The following SENP8 variants were observed in gnomAD, a reference collection of about 807,000 sequenced individuals.
SENP8 encodes the protein sentrin-specific protease 8.
Under a neutral mutation model 14.4 loss-of-function variants are expected in SENP8, and 10 were observed. That is an observed-to-expected ratio of 0.69 (90% CI 0.43 to 1.18). The LOEUF is 1.18. Among genes scored for constraint, SENP8 ranks in the 50% most tolerant of loss-of-function variants. The pLI, the probability that SENP8 is intolerant of heterozygous loss-of-function variation, is 0.00. For synonymous variants in SENP8, 94 were observed against 95.5 expected (o/e 0.98, Z 0.09); for missense variants, 202 against 249.4 (o/e 0.81, Z 1.28).
At position 72,140,326 on chromosome 15, in the gene SENP8, G is replaced by A. The variant is rs780098775; in HGVS notation, c.*64G>A. Reference sequence around the variant, plus strand: ...TCTGCCCTTCCCCATTTGTTGGATGGCTGCAATCTCAGTGCCTGAGGGAAG... The same window carrying A: ...TCTGCCCTTCCCCATTTGTTGGATGACTGCAATCTCAGTGCCTGAGGGAAG... On this transcript the variant is annotated 3_prime_UTR_variant, in exon 2 of 2. Coordinates refer to ENST00000340912, the MANE Select transcript of SENP8 (RefSeq NM_145204.4). 3.3e-6 allele frequency: 4 copies of A among 1,203,308 alleles called. No homozygotes were observed. Among genetic ancestry groups the A allele is most frequent in the Non-Finnish European group, 4.8e-6 (4 of 826,534 alleles). The allele number at this position is 1,203,308 out of a possible 1,614,324, so 74.5% of individuals were successfully genotyped here.
At chr15:72,118,331 T>G (rs2081085583), upstream of SENP8, 1 of 205,046 alleles carries the variant, frequency 4.9e-6, no homozygotes, top group Non-Finnish European at 9.7e-6. Flanking sequence ...GAACTCAGCT[T>G]TAGATTCTCC....
rs1277324323 is a variant in SENP8 at position 72,141,323 on chromosome 15, A to G, written c.*1061A>G. 1 of 152,242 alleles carries G rather than the reference A, an allele frequency of 6.6e-6. No individual in the cohort carries two copies. The highest frequency in any genetic ancestry group is 2.4e-5 in the African/African-American group (1 of 41,466). 9.4% of individuals were successfully genotyped at this position (152,242 alleles called of 1,614,324 possible). Reference sequence around the variant, plus strand: ...AGCCCTTTTACTTAATTAAAAATGCAGGGAATGTAATTTGTAAAATGTGGA... The same window carrying G: ...AGCCCTTTTACTTAATTAAAAATGCGGGGAATGTAATTTGTAAAATGTGGA... On this transcript the variant is annotated 3_prime_UTR_variant, in exon 2 of 2. Coordinates refer to ENST00000340912, the MANE Select transcript of SENP8 (RefSeq NM_145204.4).
chr15:72,135,381 G>C (rs1168778947), intron 1 of SENP8: 2 of 151,060 alleles, frequency 1.3e-5, no homozygotes, highest in Non-Finnish European at 2.9e-5. Context: ...CACACTTTGT[G>C]AGAAATAATA....
intron 1 of SENP8, among the ~76,000 whole-genome samples, chr15:72,133,370 A>G (rs752190580): frequency 1.3e-5 from 2 of 152,174 alleles, no homozygotes; most frequent in Non-Finnish European, 2.9e-5. Flanking sequence ...ATCCTCTAAT[A>G]TTTGCCTGCA....
At position 72,143,348 on chromosome 15, in the gene SENP8, C is replaced by T. The variant is rs2081392037; in HGVS notation, c.*3086C>T. On this transcript the variant is annotated 3_prime_UTR_variant, in exon 2 of 2. Coordinates refer to ENST00000340912, the MANE Select transcript of SENP8 (RefSeq NM_145204.4). ...CTACTCAGTTCCATTTTAAGACTAA[C>T]AACAAGTTTGAAAACTTAGTTTTAT... is the stretch of plus-strand genomic sequence containing the variant. 1 of 152,136 alleles carries T rather than the reference C, an allele frequency of 6.6e-6. No homozygotes were observed. Among genetic ancestry groups the T allele is most frequent in the South Asian group, 2.1e-4 (1 of 4,832 alleles). The allele number at this position is 152,136 out of a possible 1,614,324, so 9.4% of individuals were successfully genotyped here. A position where few individuals can be genotyped will look rare whatever the true frequency, so the allele number is the denominator to read the frequency against.
chr15:72,126,201 A>G (rs1490095445), intron 1 of SENP8, among the ~76,000 whole-genome samples: 1 of 152,156 alleles, frequency 6.6e-6, no homozygotes, highest in Non-Finnish European at 1.5e-5. Context: ...TACTAGCACT[A>G]GCCACATGTG....
At chr15:72,129,536 A>ATTTTTTTT (rs35079066) in intron 1 of SENP8, among the ~76,000 whole-genome samples, 1 of 105,454 alleles carries the variant, frequency 9.5e-6, no homozygotes, top group Non-Finnish European at 2.0e-5. Context: ...CTAATTTTGT[A>ATTTTTTTT]TTTTTTTTTT....
At chr15:72,117,846 G>A, upstream of SENP8, 1 of 398,612 alleles carries the variant, frequency 2.5e-6, no homozygotes, top group Non-Finnish European at 4.4e-6. Flanking sequence ...CGGGCGAGCG[G>A]CCGCGGCGCA....
intron 1 of SENP8, among the ~76,000 whole-genome samples, chr15:72,129,872 A>T (rs377260264): frequency 4.0e-5 from 6 of 151,856 alleles, no homozygotes; most frequent in East Asian, 2.0e-4. Context: ...CCAGACTGAA[A>T]CAGCAATAAC....
chr15:72,137,461 T>G (rs2081337617), intron 1 of SENP8, among the ~76,000 whole-genome samples: 1 of 152,162 alleles, frequency 6.6e-6, no homozygotes, highest in Non-Finnish European at 1.5e-5. Flanking sequence ...TAAACATTAC[T>G]TCATCTTTAT....
At chr15:72,138,979 A>AC (rs967187888) in intron 1 of SENP8, among the ~76,000 whole-genome samples, 3 of 151,698 alleles carry the variant, frequency 2.0e-5, no homozygotes, top group African/African-American at 7.3e-5. Flanking sequence ...AAAAAAAAAA[A>AC]AAAAAACTTT....
chr15:72,137,359 T>C (rs1375631566), intron 1 of SENP8, among the ~76,000 whole-genome samples: 3 of 151,994 alleles, frequency 2.0e-5, no homozygotes, highest in Non-Finnish European at 4.4e-5. Context: ...TACCAGCAAA[T>C]CAGTGGTAAA....
chr15:72,119,871 G>A (rs2081142027), intron 1 of SENP8, among the ~76,000 whole-genome samples: 1 of 152,240 alleles, frequency 6.6e-6, no homozygotes, highest in Non-Finnish European at 1.5e-5. Context: ...AGCCACTCTT[G>A]CCTTTCTCTT....
intron 1 of SENP8, among the ~76,000 whole-genome samples, chr15:72,130,146 C>T (rs187126938): frequency 3.9e-4 from 59 of 152,258 alleles, no homozygotes; most frequent in Middle Eastern, 3.4e-3. Flanking sequence ...GCTGAGATCG[C>T]GCCATTGCAC....
At chr15:72,122,100 T>C (rs1293287458) in intron 1 of SENP8, among the ~76,000 whole-genome samples, 2 of 152,166 alleles carry the variant, frequency 1.3e-5, no homozygotes, top group Non-Finnish European at 2.9e-5. Context: ...TTTTTGCCAA[T>C]TCCTTAAACT....
chr15:72,136,011 T>C (rs1860941046), intron 1 of SENP8, among the ~76,000 whole-genome samples: 1 of 152,240 alleles, frequency 6.6e-6, no homozygotes, highest in African/African-American at 2.4e-5. Flanking sequence ...GCAGTCATTC[T>C]GCCTTTATAT....
chr15:72,122,961 A>C (rs1355366978), intron 1 of SENP8, among the ~76,000 whole-genome samples: 1 of 152,210 alleles, frequency 6.6e-6, no homozygotes, highest in African/African-American at 2.4e-5. Flanking sequence ...TGAAAACCTT[A>C]GGCTTGCTTT....
chr15:72,137,698 C>G (rs1472496488), intron 1 of SENP8, among the ~76,000 whole-genome samples: 1 of 152,108 alleles, frequency 6.6e-6, no homozygotes, highest in Non-Finnish European at 1.5e-5. Flanking sequence ...TGAGGCCAGG[C>G]GCGGTGGCTC....
At chr15:72,125,449 A>T (rs2081207783) in intron 1 of SENP8, among the ~76,000 whole-genome samples, 1 of 149,918 alleles carries the variant, frequency 6.7e-6, no homozygotes, top group African/African-American at 2.4e-5. Flanking sequence ...TTTTCTAACA[A>T]TTTTTTTTTT....
Sources: allele counts gnomAD v4.1 joint callset (sites outside exome capture counted in the v4.1 genomes callset), GRCh38; gene constraint gnomAD v4.1.1; transcripts MANE v1.5; gene names NCBI Gene and HGNC (gene_info 2026-07-23, HGNC 2026-07-21).